PTPRD: variants seen among roughly 807,000 people sequenced by gnomAD.
PTPRD encodes the protein protein tyrosine phosphatase receptor type D.
A neutral mutation model predicts 214.5 loss-of-function variants in PTPRD; 34 were observed. The ratio of observed to expected loss-of-function variants is 0.16; its 90% CI spans 0.12 to 0.21. The LOEUF is 0.21. Among genes scored for constraint, PTPRD ranks in the 10% least tolerant of loss-of-function variants. PTPRD has a pLI of 1.00. For missense variants in PTPRD, 2,545 were observed against 2,398.7 expected (o/e 1.06, Z -1.27); for synonymous variants, 1,128 against 845.7 (o/e 1.33, Z -5.79).
rs147859058 is a variant in PTPRD, at chr9:10,482,966, C to T, written c.-600+129432G>A. Among the ~76,000 whole-genome samples, 659 of 152,166 alleles carry T rather than the reference C, an allele frequency of 4.3e-3. 9 individuals carry two copies. The highest frequency in any genetic ancestry group is 0.015 in the African/African-American group (635 of 41,528). Reference sequence around the variant, plus strand: ...AAATTCATATGGAACCAAAAAAGAGCAGAAATAGCCAAGGCAATCCTAAGC... The same window carrying T: ...AAATTCATATGGAACCAAAAAAGAGTAGAAATAGCCAAGGCAATCCTAAGC... On this transcript the variant is annotated intron_variant, in intron 2 of 45. Transcript: ENST00000381196.
intron 5 of PTPRD, among the ~76,000 whole-genome samples, chr9:9,811,782 C>T (rs968312220): frequency 3.3e-5 from 5 of 152,078 alleles, no homozygotes; most frequent in African/African-American, 1.2e-4. Flanking sequence ...GTTGAAATGA[C>T]AACAAAATAT....
At chr9:10,094,482 A>T (rs1024335867) in intron 3 of PTPRD, among the ~76,000 whole-genome samples, 7 of 151,150 alleles carry the variant, frequency 4.6e-5, no homozygotes, top group Non-Finnish European at 1.0e-4. Context: ...AAACCAGAGC[A>T]ACATTAAAAT....
chr9:9,277,534 T>C (rs1169884272), intron 9 of PTPRD, among the ~76,000 whole-genome samples: 1 of 151,356 alleles, frequency 6.6e-6, no homozygotes, highest in Non-Finnish European at 1.5e-5. Flanking sequence ...TATATATGAT[T>C]ATACAGAAGG....
intron 3 of PTPRD, among the ~76,000 whole-genome samples, chr9:10,191,482 G>T (rs2099363350): frequency 6.6e-6 from 1 of 152,074 alleles, no homozygotes; most frequent in African/African-American, 2.4e-5. Context: ...GGGTAATTGA[G>T]CTCAGGAGAA....
chr9:10,037,983 A>T (rs762869221), intron 3 of PTPRD, among the ~76,000 whole-genome samples: 1 of 152,196 alleles, frequency 6.6e-6, no homozygotes, highest in Non-Finnish European at 1.5e-5. Context: ...CACACCTTGT[A>T]TATGAGAGTC....
intron 5 of PTPRD, among the ~76,000 whole-genome samples, chr9:9,867,701 T>G (rs2064329964): frequency 6.6e-6 from 1 of 152,150 alleles, no homozygotes; most frequent in African/African-American, 2.4e-5. Context: ...GTCCCTTTAA[T>G]TCTCAACTCA....
intron 5 of PTPRD, among the ~76,000 whole-genome samples, chr9:9,789,142 G>C (rs1247355062): frequency 1.3e-5 from 2 of 152,114 alleles, no homozygotes; most frequent in African/African-American, 4.8e-5. Flanking sequence ...AGTCTACTTT[G>C]AGTTGATATT....
chr9:8,321,397 A>G (rs945573032), intron 44 of PTPRD, among the ~76,000 whole-genome samples: 4 of 149,928 alleles, frequency 2.7e-5, no homozygotes, highest in Non-Finnish European at 5.9e-5. Context: ...TTAATAAGTT[A>G]TAAATAAGAA....
Position 9,394,597 on chromosome 9 carries a change from C to T in PTPRD, c.-203+2852G>A, listed in dbSNP as rs188693558. Among the ~76,000 whole-genome samples, 284 of 152,070 alleles carry T rather than the reference C, an allele frequency of 1.9e-3. 2 individuals carry two copies. Among genetic ancestry groups the T allele is most frequent in the African/African-American group, 6.6e-3 (273 of 41,490 alleles). ...AATAGCACATATTATCTAGGATTGT[C>T]CTTATAAATATGAAACTCTGAACAG... On this transcript the variant is annotated intron_variant, in intron 9 of 45. Coordinates refer to ENST00000381196, the MANE Select transcript of PTPRD (RefSeq NM_002839.4).
At chr9:10,584,388 G>C (rs1034356124) in intron 2 of PTPRD, among the ~76,000 whole-genome samples, 6 of 152,126 alleles carry the variant, frequency 3.9e-5, no homozygotes, top group African/African-American at 1.4e-4. Flanking sequence ...ATGAAGTTAT[G>C]TGGTTTCAAT....
At chr9:9,115,571 G>A (rs2099811638) in intron 10 of PTPRD, among the ~76,000 whole-genome samples, 1 of 152,148 alleles carries the variant, frequency 6.6e-6, no homozygotes, top group Non-Finnish European at 1.5e-5. Context: ...ACAATATGTA[G>A]ATTTCTCAAA....
intron 11 of PTPRD, among the ~76,000 whole-genome samples, chr9:8,899,806 C>G (rs556965833): frequency 1.3e-5 from 2 of 152,096 alleles, no homozygotes; most frequent in Non-Finnish European, 2.9e-5. Context: ...GCTTGGCAGT[C>G]GGCATGTTGC....
intron 8 of PTPRD, among the ~76,000 whole-genome samples, chr9:9,485,318 T>C (rs560205367): frequency 1.3e-5 from 2 of 152,202 alleles, no homozygotes; most frequent in African/African-American, 2.4e-5. Context: ...GGTTTTAGGC[T>C]TTAGAGTACT....
At chr9:10,388,046 G>C (rs2097959697) in intron 2 of PTPRD, among the ~76,000 whole-genome samples, 1 of 151,212 alleles carries the variant, frequency 6.6e-6, no homozygotes, top group Non-Finnish European at 1.5e-5. Context: ...CATTCCTTCA[G>C]ACAACACAAT....
At chr9:8,751,612 T>A (rs1286738370) in intron 11 of PTPRD, among the ~76,000 whole-genome samples, 1 of 152,182 alleles carries the variant, frequency 6.6e-6, no homozygotes, top group African/African-American at 2.4e-5. Context: ...AGGCCTGCTG[T>A]GAGTCAATTG....
At chr9:9,009,303 T>C (rs10816032) in intron 11 of PTPRD, among the ~76,000 whole-genome samples, 70,135 of 151,988 alleles carry the variant, frequency 0.46, 16,527 homozygotes, top group South Asian at 0.53. Flanking sequence ...TTCTAAGTCA[T>C]AGAAAGGCTA....
chr9:8,826,688 T>C (rs1403924131), intron 11 of PTPRD, among the ~76,000 whole-genome samples: 1 of 151,600 alleles, frequency 6.6e-6, no homozygotes. Flanking sequence ...ATTCATCCAT[T>C]ATTTTACTCT....
In PTPRD at chr9:9,465,344, T is replaced by C. The variant is rs116052671; in HGVS notation, c.-236-67862A>G. Among the ~76,000 whole-genome samples, 568 of 152,318 alleles carry C rather than the reference T, an allele frequency of 3.7e-3. 2 individuals carry two copies. The highest frequency in any genetic ancestry group is 0.013 in the African/African-American group (534 of 41,568). On this transcript the variant is annotated intron_variant, in intron 8 of 45. Transcript: ENST00000381196. The stretch of plus-strand genomic sequence containing the variant: ...TTATCCTTAAGATATGGAAAATGTA[T>C]AATGAATTTGCTTGAATCCCTCCTA...
chr9:9,325,533 C>T (rs1969565690), intron 9 of PTPRD, among the ~76,000 whole-genome samples: 1 of 152,094 alleles, frequency 6.6e-6, no homozygotes, highest in Non-Finnish European at 1.5e-5. Context: ...TATTTTTGCA[C>T]ATTGATTTTG....
Sources: gnomAD v4.1 joint callset for allele counts (sites outside exome capture counted in the v4.1 genomes callset) on GRCh38, gnomAD v4.1.1 for gene constraint, MANE v1.5 for transcripts, NCBI Gene and HGNC (gene_info 2026-07-23, HGNC 2026-07-21) for gene names.